The following RALGAPA1 variants were observed in gnomAD, a reference collection of about 807,000 sequenced individuals.
RALGAPA1 encodes ral GTPase-activating protein subunit alpha-1.
RALGAPA1 carries 52 observed loss-of-function variants against 269.6 expected under a neutral mutation model. That is an observed-to-expected ratio of 0.19 (90% CI 0.15 to 0.24). The LOEUF (loss-of-function observed/expected upper bound fraction) is 0.24, where lower values mean the gene tolerates loss of function less well. Among genes scored for constraint, RALGAPA1 ranks in the 10% least tolerant of loss-of-function variants. The probability of loss-of-function intolerance (pLI) is 1.00; values close to 1 mark genes in which losing one functional copy is unlikely to be tolerated. For synonymous variants in RALGAPA1, 817 were observed against 1,008.3 expected (o/e 0.81, Z 3.60); for missense variants, 1,917 against 3,013.9 (o/e 0.64, Z 8.52).
intron 16 of RALGAPA1, among the ~76,000 whole-genome samples, chr14:35,720,914 T>C (rs1356661948): frequency 6.6e-6 from 1 of 152,138 alleles, no homozygotes; most frequent in African/African-American, 2.4e-5. Flanking sequence ...GCGAGATCTC[T>C]CTTTTAAAAA....
At chr14:35,620,272 T>C (rs931011570) in intron 35 of RALGAPA1, among the ~76,000 whole-genome samples, 2 of 152,084 alleles carry the variant, frequency 1.3e-5, no homozygotes, top group Admixed American at 6.6e-5. Flanking sequence ...CATGATTATC[T>C]TAATAGATGC....
At position 35,725,169 on chromosome 14, in the gene RALGAPA1, C is replaced by T; in HGVS notation, c.1737-16G>A. 1.3e-6 allele frequency: 2 copies of T among 1,516,686 alleles called. No homozygotes were observed. The highest frequency in any genetic ancestry group is 8.8e-7 in the Non-Finnish European group (1 of 1,131,822). The allele number at this position is 1,516,686 out of a possible 1,614,324, so 94.0% of individuals were successfully genotyped here. On this transcript the variant is annotated splice_polypyrimidine_tract_variant and intron_variant, in intron 13 of 41. Transcript: ENST00000680220. ...CATCTGTTCCCTTAAAATAAAAAGA[C>T]TGATTAATGTTTCCTTCTTGCATAT...
chr14:35,757,212 C>T (rs568642204), intron 6 of RALGAPA1, among the ~76,000 whole-genome samples: 1 of 151,374 alleles, frequency 6.6e-6, no homozygotes, highest in African/African-American at 2.4e-5. Flanking sequence ...ACCTCCGCCT[C>T]CCAGGTTCAA....
At chr14:35,754,688 C>T (rs574593837) in intron 7 of RALGAPA1, among the ~76,000 whole-genome samples, 284 of 152,294 alleles carry the variant, frequency 1.9e-3, no homozygotes, top group Middle Eastern at 0.01. Context: ...TATACCCCTA[C>T]TATTTGACCC....
At chr14:35,572,898 C>A in intron 37 of RALGAPA1, 180 bp from the exon 38 acceptor site, 1 of 380,402 alleles carries the variant, frequency 2.6e-6, no homozygotes, top group Non-Finnish European at 4.7e-6. Flanking sequence ...GAAGACCAGA[C>A]AATTTCAATT....
chr14:35,601,364 A>G (rs2059281801), intron 36 of RALGAPA1, among the ~76,000 whole-genome samples: 1 of 152,162 alleles, frequency 6.6e-6, no homozygotes, highest in Non-Finnish European at 1.5e-5. Flanking sequence ...CTCTGGCACT[A>G]TTTGATACTA....
intron 20 of RALGAPA1, 120 bp downstream of exon 20, chr14:35,684,809 G>A (rs754670877): frequency 6.0e-6 from 6 of 991,980 alleles, no homozygotes; most frequent in South Asian, 1.8e-5. Flanking sequence ...TTTTTCTAAC[G>A]TGGGAGCCAC....
At chr14:35,731,037 C>T (rs540442501) in intron 12 of RALGAPA1, among the ~76,000 whole-genome samples, 1 of 152,338 alleles carries the variant, frequency 6.6e-6, no homozygotes, top group African/African-American at 2.4e-5. Flanking sequence ...CCGAGACAAC[C>T]ACAGACAGTT....
At chr14:35,805,661 C>A (rs925462417) in intron 1 of RALGAPA1, among the ~76,000 whole-genome samples, 6 of 149,780 alleles carry the variant, frequency 4.0e-5, no homozygotes, top group African/African-American at 1.5e-4. Context: ...TACATACATA[C>A]ATATATATAT....
At chr14:35,640,268 T>C (rs149167607) in intron 31 of RALGAPA1, among the ~76,000 whole-genome samples, 107 of 151,180 alleles carry the variant, frequency 7.1e-4, no homozygotes, top group Admixed American at 1.5e-3. Flanking sequence ...ATGGCAAAAA[T>C]ACAAAAGATC....
intron 26 of RALGAPA1, among the ~76,000 whole-genome samples, chr14:35,668,081 A>G (rs1365811666): frequency 1.3e-5 from 2 of 152,254 alleles, no homozygotes; most frequent in South Asian, 2.1e-4. Flanking sequence ...GTTCTCTTTC[A>G]TATGTGGGAG....
intron 4 of RALGAPA1, among the ~76,000 whole-genome samples, chr14:35,768,610 CTTAAGCCCATTT>C (rs1040721141): frequency 9.9e-5 from 15 of 152,152 alleles, no homozygotes; most frequent in African/African-American, 3.6e-4. Flanking sequence ...AGGGGGATGG[CTTAAGCCCATTT>C]CAAGGCTTCA....
At chr14:35,705,994 T>G (rs1469577910) in intron 16 of RALGAPA1, among the ~76,000 whole-genome samples, 3 of 152,218 alleles carry the variant, frequency 2.0e-5, no homozygotes, top group Non-Finnish European at 4.4e-5. Flanking sequence ...TTCAGGTTGT[T>G]CTCTTCCTGT....
intron 10 of RALGAPA1, among the ~76,000 whole-genome samples, chr14:35,743,645 A>T (rs1804175087): frequency 6.6e-6 from 1 of 152,158 alleles, no homozygotes; most frequent in Non-Finnish European, 1.5e-5. Flanking sequence ...CACCACACCC[A>T]GTCATCATTG....
chr14:35,797,906 T>C (rs907306568), intron 1 of RALGAPA1, among the ~76,000 whole-genome samples: 7 of 151,020 alleles, frequency 4.6e-5, no homozygotes, highest in South Asian at 2.1e-4. Flanking sequence ...AGGGTCTTGC[T>C]CTGTTGTCCA....
intron 39 of RALGAPA1, among the ~76,000 whole-genome samples, chr14:35,551,417 G>T (rs960484862): frequency 6.6e-6 from 1 of 152,054 alleles, no homozygotes; most frequent in African/African-American, 2.4e-5. Context: ...CAAAGGTGCT[G>T]CCAGGAAGCA....
At chr14:35,576,339 CT>C (rs1371624239) in intron 37 of RALGAPA1, among the ~76,000 whole-genome samples, 2 of 152,152 alleles carry the variant, frequency 1.3e-5, no homozygotes, top group African/African-American at 2.4e-5. Flanking sequence ...TTACAAAGTT[CT>C]TTTAAGCAGG....
chr14:35,697,466 C>G lies in RALGAPA1; in HGVS notation c.2407+2696G>C, dbSNP rs929275102. On this transcript the variant is annotated intron_variant, in intron 17 of 41. Transcript: ENST00000680220. ...GTTCATGCCATTCTCCTGCCTCAGCCTACTGAGCAGCTGGGACTACAGGCG... is the reference window on the plus strand; with the variant it reads ...GTTCATGCCATTCTCCTGCCTCAGCGTACTGAGCAGCTGGGACTACAGGCG... Among the ~76,000 whole-genome samples, 8 of 152,156 alleles carry G rather than the reference C, an allele frequency of 5.3e-5. No homozygotes were observed. The East Asian group carries it at 1.5e-3, about 29-fold the overall frequency.
intron 31 of RALGAPA1, among the ~76,000 whole-genome samples, chr14:35,639,842 G>T (rs916918019): frequency 6.6e-6 from 1 of 151,938 alleles, no homozygotes; most frequent in African/African-American, 2.4e-5. Flanking sequence ...GGGAGGCTGA[G>T]GCAGGAGAAT....
Sources: gnomAD v4.1 joint callset for allele counts (sites outside exome capture counted in the v4.1 genomes callset) on GRCh38, gnomAD v4.1.1 for gene constraint, MANE v1.5 for transcripts, NCBI Gene and HGNC (gene_info 2026-07-23, HGNC 2026-07-21) for gene names.